The following ADCY5 variants were observed in gnomAD, a reference collection of about 807,000 sequenced individuals.
ADCY5 encodes the protein adenylate cyclase type 5.
In ADCY5, 30 loss-of-function variants were observed where a neutral mutation model predicts 119.7. That is an observed-to-expected ratio of 0.25 (90% CI 0.19 to 0.34). ADCY5 has a LOEUF of 0.34. Among genes scored for constraint, ADCY5 ranks in the 10% least tolerant of loss-of-function variants. The pLI, the probability that ADCY5 is intolerant of heterozygous loss-of-function variation, is 1.00. For synonymous variants in ADCY5, 753 were observed against 762.2 expected (o/e 0.99, Z 0.20); for missense variants, 1,324 against 1,775.2 (o/e 0.75, Z 4.57).
chr3:123,320,688 G>A (rs1941173050), intron 9 of ADCY5, 61 bp downstream of exon 9: 4 of 1,595,276 alleles, frequency 2.5e-6, no homozygotes, highest in Non-Finnish European at 3.4e-6. Flanking sequence ...AAGTGATAAG[G>A]TGGATTGGGA....
chr3:123,373,921 G>A (rs533521158), intron 1 of ADCY5, among the ~76,000 whole-genome samples: 5 of 152,198 alleles, frequency 3.3e-5, no homozygotes, highest in South Asian at 2.1e-4. Context: ...TAGGGCTTCC[G>A]CATATTCGAT....
intron 3 of ADCY5, among the ~76,000 whole-genome samples, chr3:123,346,459 C>T (rs1403046582): frequency 1.3e-5 from 2 of 152,114 alleles, no homozygotes; most frequent in Admixed American, 1.3e-4. Context: ...CTCCTAAAGG[C>T]TTAGAGTCTC....
At chr3:123,375,804 G>A (rs776122699) in intron 1 of ADCY5, among the ~76,000 whole-genome samples, 19 of 152,186 alleles carry the variant, frequency 1.2e-4, no homozygotes, top group Non-Finnish European at 2.6e-4. Flanking sequence ...GAGTGACCAC[G>A]AGGGCCTCAT....
At position 123,358,195 on chromosome 3, in the gene ADCY5, T is replaced by TGTGTGTGTGTGTGTGTGTGTGTGA. The variant is rs58986112; in HGVS notation, c.1135-5615_1135-5614insTCACACACACACACACACACACAC. On this transcript the variant is annotated intron_variant, in intron 1 of 20. Coordinates refer to ENST00000462833, the MANE Select transcript of ADCY5 (RefSeq NM_183357.3). ...GTGTGTGTGTGTGTGTGTGTGTGTG[T>TGTGTGTGTGTGTGTGTGTGTGTGA]AGGGAGTTGGTGGTATGGCGGAGCA... Among the ~76,000 whole-genome samples the TGTGTGTGTGTGTGTGTGTGTGTGA allele has an allele frequency of 8.6e-4, 128 of 149,184 alleles. 2 individuals are homozygous for TGTGTGTGTGTGTGTGTGTGTGTGA. The highest frequency in any genetic ancestry group is 1.5e-3 in the African/African-American group (59 of 40,032).
intron 1 of ADCY5, among the ~76,000 whole-genome samples, chr3:123,370,746 A>C (rs573945534): frequency 1.3e-5 from 2 of 152,284 alleles, no homozygotes; most frequent in East Asian, 3.9e-4. Flanking sequence ...ATACACCTGC[A>C]AACAGCAGAG....
intron 1 of ADCY5, among the ~76,000 whole-genome samples, chr3:123,358,175 T>A (rs1213293948): frequency 6.5e-5 from 4 of 61,244 alleles, no homozygotes; most frequent in African/African-American, 1.6e-4. Flanking sequence ...TGTGTGTGTG[T>A]GTGTGTGTGT....
Position 123,296,707 on chromosome 3 carries a change from G to A in ADCY5, c.2931-491C>T, listed in dbSNP as rs780283774. ...GATAACAATAGCCACATTTCAAGATGGTAGTAAGGATTAAAGAGATATTAT... is the reference window on the plus strand; with the variant it reads ...GATAACAATAGCCACATTTCAAGATAGTAGTAAGGATTAAAGAGATATTAT... On this transcript the variant is annotated intron_variant, in intron 16 of 20. Transcript: ENST00000462833. Among the ~76,000 whole-genome samples, 13 of 139,694 alleles carry A rather than the reference G, an allele frequency of 9.3e-5. No individual in the cohort carries two copies. In the Admixed American group the frequency reaches 9.5e-4, roughly 10 times the overall value. The allele number at this position is 139,694 out of a possible 152,430, so 91.6% of individuals were successfully genotyped here. A position where few individuals can be genotyped will look rare whatever the true frequency, so the allele number is the denominator to read the frequency against.
chr3:123,447,507 T>A lies in ADCY5; in HGVS notation c.1039A>T (p.Met347Leu). 1.2e-6 allele frequency: 2 copies of A among 1,611,786 alleles called. No individual in the cohort carries two copies. Among genetic ancestry groups the A allele is most frequent in the Non-Finnish European group, 1.7e-6 (2 of 1,179,628 alleles). Reference protein sequence around the residue: ...YTIYTLLPVRMRAAVLSGVLL... With the variant: ...YTIYTLLPVRLRAAVLSGVLL... ...ACCCCGCTGAGCACTGCGGCCCGCA[T>A]GCGCACGGGCAGCAGCGTGTAGATG... The change falls in exon 1 of 21, where the codon ATG becomes TTG. Residue 347 changes from methionine (M) to leucine (L), a missense_variant. Coordinates refer to ENST00000462833, the MANE Select transcript of ADCY5 (RefSeq NM_183357.3).
intron 1 of ADCY5, among the ~76,000 whole-genome samples, chr3:123,391,301 C>T (rs1229122255): frequency 6.6e-6 from 1 of 151,550 alleles, no homozygotes; most frequent in Non-Finnish European, 1.5e-5. Context: ...CAAAACCTGG[C>T]CAAACCCCCC....
At chr3:123,318,959 T>C (rs1270442859) in intron 10 of ADCY5, among the ~76,000 whole-genome samples, 1 of 152,290 alleles carries the variant, frequency 6.6e-6, no homozygotes, top group East Asian at 1.9e-4. Flanking sequence ...GAGGTCCCAA[T>C]GTGACAAAGC....
chr3:123,292,579 T>G (rs758905325), intron 17 of ADCY5, among the ~76,000 whole-genome samples: 11 of 152,190 alleles, frequency 7.2e-5, no homozygotes, highest in Non-Finnish European at 1.6e-4. Flanking sequence ...AGCTGGTCTG[T>G]GCTGTCTTCT....
rs4333033 is a variant in ADCY5 at position 123,303,893 on chromosome 3, G to A, written c.2559+174C>T. Among the ~76,000 whole-genome samples, 28,267 of 116,882 alleles carry A rather than the reference G, an allele frequency of 0.24. 3,386 individuals carry two copies. The highest frequency in any genetic ancestry group is 0.28 in the Middle Eastern group (70 of 252). 76.7% of individuals were successfully genotyped at this position (116,882 alleles called of 152,430 possible). Reference sequence around the variant, plus strand: ...GAAGAGAAGAGAAGAGAAGAGAAGAGAAGAAAGAACTTGTGTGAGGCACAT... The same window carrying A: ...GAAGAGAAGAGAAGAGAAGAGAAGAAAAGAAAGAACTTGTGTGAGGCACAT... On this transcript the variant is annotated intron_variant, in intron 13 of 20. Coordinates refer to ENST00000462833, the MANE Select transcript of ADCY5 (RefSeq NM_183357.3).
At chr3:123,394,441 G>A (rs1331212040) in intron 1 of ADCY5, among the ~76,000 whole-genome samples, 1 of 152,196 alleles carries the variant, frequency 6.6e-6, no homozygotes, top group Non-Finnish European at 1.5e-5. Flanking sequence ...CAAAGTAGCT[G>A]TCACTTAGAC....
At chr3:123,359,229 A>G (rs1943150433) in intron 1 of ADCY5, among the ~76,000 whole-genome samples, 1 of 151,058 alleles carries the variant, frequency 6.6e-6, no homozygotes, top group Non-Finnish European at 1.5e-5. Context: ...GTGATGGGGG[A>G]GGGAGCAGGA....
chr3:123,434,299 C>T (rs1279292653), intron 1 of ADCY5, among the ~76,000 whole-genome samples: 1 of 152,258 alleles, frequency 6.6e-6, no homozygotes, highest in African/African-American at 2.4e-5. Context: ...CATCACAGGT[C>T]TGTAACCCGC....
intron 16 of ADCY5, 150 bp from the exon 17 acceptor site, chr3:123,296,366 G>A (rs772074478): frequency 2.4e-5 from 22 of 930,216 alleles, no homozygotes; most frequent in East Asian, 8.2e-5. Flanking sequence ...TTTGCCGCAC[G>A]CGTGCCTCCT....
At chr3:123,383,860 C>A (rs1355556643) in intron 1 of ADCY5, among the ~76,000 whole-genome samples, 1 of 151,410 alleles carries the variant, frequency 6.6e-6, no homozygotes, top group Non-Finnish European at 1.5e-5. Flanking sequence ...AAGGCACGCA[C>A]ACACACACAC....
At position 123,352,566 on chromosome 3, in the gene ADCY5, G is replaced by A. The variant is rs1471429818; in HGVS notation, c.1150C>T (p.Leu384Phe). The change falls in exon 2 of 21, where the codon CTC (leucine) becomes TTC (phenylalanine). Residue 384 changes from leucine (L) to phenylalanine (F), a missense_variant. Leu to Phe is a conservative substitution (Grantham distance 22, BLOSUM62 0). This residue lies in a region of ADCY5 where 585 missense variants were observed against 569.9 expected (regional missense o/e 1.03). Transcript: ENST00000462833. The surrounding 1 kb of genome is among the most constrained non-coding windows in gnomAD (Gnocchi z 4.8). ...ACGATGTTGGTGCAGGAGAAAATGA[G>A]AACATTGGAGACAAGCTGCAGAGGG... ...FLLKQLVSNV[L>F]IFSCTNIVGV... 5 of 1,611,180 alleles carry A rather than the reference G, an allele frequency of 3.1e-6. No individual in the cohort carries two copies. The highest frequency in any genetic ancestry group is 1.1e-5 in the South Asian group (1 of 90,824).
rs1350670645 is a variant in ADCY5 at position 123,282,883 on chromosome 3, G to T, written c.*1725C>A. On this transcript the variant is annotated 3_prime_UTR_variant, in exon 21 of 21. Transcript: ENST00000462833. ...CATCACCTCCAAGCTCATGTTGGAGGTGAAGATCATTCTAACCTGAGAAGC... is the reference window on the plus strand; with the variant it reads ...CATCACCTCCAAGCTCATGTTGGAGTTGAAGATCATTCTAACCTGAGAAGC... 1 of 151,830 alleles carries T rather than the reference G, an allele frequency of 6.6e-6. No individual in the cohort carries two copies. The highest frequency in any genetic ancestry group is 2.4e-5 in the African/African-American group (1 of 41,056). The allele number at this position is 151,830 out of a possible 1,614,324, so 9.4% of individuals were successfully genotyped here.
Sources: gnomAD v4.1 joint callset for allele counts (sites outside exome capture counted in the v4.1 genomes callset) on GRCh38, gnomAD v4.1.1 for gene constraint, gnomAD v4.1.1 regional missense constraint, Gnocchi (gnomAD v3.1) non-coding constraint, MANE v1.5 for transcripts, NCBI Gene and HGNC (gene_info 2026-07-23, HGNC 2026-07-21) for gene names.